The following TBCEL variants were observed in gnomAD, a reference collection of about 807,000 sequenced individuals.
The protein encoded by TBCEL is tubulin-specific chaperone cofactor E-like protein.
A neutral mutation model predicts 44.2 loss-of-function variants in TBCEL; 15 were observed. The ratio of observed to expected loss-of-function variants is 0.34; its 90% CI spans 0.23 to 0.52. TBCEL has a LOEUF of 0.52. TBCEL is among the 20% of genes least tolerant of loss of function. The pLI is 0.95. For missense variants in TBCEL, 319 were observed against 506.3 expected (o/e 0.63, Z 3.55); for synonymous variants, 171 against 185.4 (o/e 0.92, Z 0.63).
intron 5 of TBCEL, chr11:121,054,798 GTACT>G (rs1945590853): frequency 9.7e-6 from 3 of 308,306 alleles, no homozygotes; most frequent in South Asian, 1.5e-4. Context: ...GCTTAATTTA[GTACT>G]TAATTATTTA....
At chr11:121,053,293 A>G (rs1299581361) in intron 4 of TBCEL, among the ~76,000 whole-genome samples, 2 of 151,954 alleles carry the variant, frequency 1.3e-5, no homozygotes, top group African/African-American at 4.8e-5. Flanking sequence ...AAGGCGACAT[A>G]GGAAATCTTC....
At chr11:121,066,321 C>T (rs1422646510) in intron 8 of TBCEL, among the ~76,000 whole-genome samples, 1 of 152,150 alleles carries the variant, frequency 6.6e-6, no homozygotes, top group Non-Finnish European at 1.5e-5. Flanking sequence ...GTTAAAATCC[C>T]AGTTATAGTT....
At chr11:121,046,679 A>C (rs1465332587) in intron 3 of TBCEL, among the ~76,000 whole-genome samples, 1 of 152,074 alleles carries the variant, frequency 6.6e-6, no homozygotes, top group Non-Finnish European at 1.5e-5. Flanking sequence ...TCCATTAATA[A>C]AGTACTACCT....
At chr11:121,045,210 ACAGTTATC>A (rs1275030331) in intron 2 of TBCEL, among the ~76,000 whole-genome samples, 6 of 152,276 alleles carry the variant, frequency 3.9e-5, no homozygotes, top group Non-Finnish European at 8.8e-5. Flanking sequence ...ATTCCCAAAT[ACAGTTATC>A]CAGTTATCCA....
chr11:121,055,211 C>T lies in TBCEL; in HGVS notation c.615C>T (p.Leu205=), dbSNP rs1416261113. 6.2e-6 allele frequency: 10 copies of T among 1,612,210 alleles called. No homozygotes were observed. Among genetic ancestry groups the T allele is most frequent in the East Asian group, 2.2e-5 (1 of 44,826 alleles). Residue 205 remains leucine, a synonymous_variant, in exon 6 of 9, where the codon CTC becomes CTT. Transcript: ENST00000683345. ...TTATGTTTCCTTCACTGGATACCCT[C>T]GTCCTGGCCAACAATCATTTGAATG... ...LGVMFPSLDT[L]VLANNHLNAI...
chr11:121,064,968 G>A (rs973506920), intron 8 of TBCEL, among the ~76,000 whole-genome samples: 2 of 152,076 alleles, frequency 1.3e-5, no homozygotes, highest in African/African-American at 4.8e-5. Context: ...TGGGACTACA[G>A]GCGCCCGCCA....
At chr11:121,054,539 C>G (rs1363110891) in intron 5 of TBCEL, among the ~76,000 whole-genome samples, 2 of 151,834 alleles carry the variant, frequency 1.3e-5, no homozygotes, top group African/African-American at 2.4e-5. Flanking sequence ...TTGCATTTAC[C>G]TGCAGAAGTA....
intron 2 of TBCEL, among the ~76,000 whole-genome samples, chr11:121,038,638 A>G (rs1175454955): frequency 6.6e-6 from 1 of 151,894 alleles, no homozygotes; most frequent in Non-Finnish European, 1.5e-5. Context: ...CAGTCCTGAG[A>G]GGTTCTTTGA....
At position 121,047,738 on chromosome 11, in the gene TBCEL, T is replaced by C. The variant is rs894713408; in HGVS notation, c.273+71T>C. The C allele has an allele frequency of 2.6e-6, 4 of 1,549,496 alleles. No individual in the cohort carries two copies. The African/African-American group carries it at 4.1e-5, about 16-fold the overall frequency. ...CATTGTGTCATTGTTTATGTTATTA[T>C]ATGTTCTGCTAAATTCTGTTCTCAC... is the stretch of plus-strand genomic sequence containing the variant. On this transcript the variant is annotated intron_variant, in intron 4 of 8. Transcript: ENST00000683345.
At chr11:121,030,933 A>T (rs1399417534) in intron 1 of TBCEL, among the ~76,000 whole-genome samples, 1 of 151,898 alleles carries the variant, frequency 6.6e-6, no homozygotes, top group Non-Finnish European at 1.5e-5. Flanking sequence ...TGAACAAATC[A>T]ACACTGTTTT....
At chr11:121,070,998 A>G (rs1945920040) in intron 8 of TBCEL, among the ~76,000 whole-genome samples, 1 of 152,210 alleles carries the variant, frequency 6.6e-6, no homozygotes, top group Non-Finnish European at 1.5e-5. Context: ...CAGAAAACAC[A>G]TCGTGAAGTT....
intron 8 of TBCEL, among the ~76,000 whole-genome samples, chr11:121,086,344 GT>G (rs1296743694): frequency 6.6e-6 from 1 of 152,162 alleles, no homozygotes; most frequent in Non-Finnish European, 1.5e-5. Context: ...TTGTTTATAA[GT>G]TATGGCTTCT....
intron 5 of TBCEL, chr11:121,054,705 A>G (rs1457022163): frequency 1.8e-5 from 3 of 165,596 alleles, no homozygotes; most frequent in African/African-American, 4.8e-5. Context: ...CCCTCCTTCA[A>G]GGCCATGTAT....
chr11:121,045,954 G>T (rs1387864351), intron 3 of TBCEL, 131 bp downstream of exon 3: 6 of 1,094,488 alleles, frequency 5.5e-6, no homozygotes, highest in African/African-American at 1.6e-5. Flanking sequence ...CCCTTGTTAT[G>T]ATTTCAGTTT....
At chr11:121,060,838 G>A (rs1248854778) in intron 8 of TBCEL, among the ~76,000 whole-genome samples, 1 of 151,916 alleles carries the variant, frequency 6.6e-6, no homozygotes, top group African/African-American at 2.4e-5. Flanking sequence ...TTTGACTGGA[G>A]GAGTTTTAGA....
chr11:121,067,296 C>T (rs1476955288), intron 8 of TBCEL, among the ~76,000 whole-genome samples: 1 of 152,126 alleles, frequency 6.6e-6, no homozygotes, highest in South Asian at 2.1e-4. Context: ...TTTCCTATCC[C>T]AGGATGAAAT....
rs1214531095 is a variant in TBCEL at position 121,088,998 on chromosome 11, T to A, written c.*1902T>A. 6.6e-6 allele frequency: 1 copy of A among 152,156 alleles called. No individual in the cohort carries two copies. The highest frequency in any genetic ancestry group is 2.4e-5 in the African/African-American group (1 of 41,426). The allele number at this position is 152,156 out of a possible 1,614,324, so 9.4% of individuals were successfully genotyped here. On this transcript the variant is annotated 3_prime_UTR_variant, in exon 9 of 9. Coordinates refer to ENST00000683345, the MANE Select transcript of TBCEL (RefSeq NM_001363644.2). Reference sequence around the variant, plus strand: ...TTGCAAACACATTTTCCTGACAGATTTTTGGAAGTAGGAAAAAAGTATGGC... The same window carrying A: ...TTGCAAACACATTTTCCTGACAGATATTTGGAAGTAGGAAAAAAGTATGGC...
At chr11:121,074,820 A>G (rs976845380) in intron 8 of TBCEL, among the ~76,000 whole-genome samples, 6 of 151,982 alleles carry the variant, frequency 3.9e-5, no homozygotes, top group Non-Finnish European at 8.8e-5. Context: ...AAATGGAATC[A>G]TGTATGTAGT....
intron 1 of TBCEL, among the ~76,000 whole-genome samples, chr11:121,026,243 C>T (rs1309126668): frequency 6.6e-6 from 1 of 152,170 alleles, no homozygotes; most frequent in Non-Finnish European, 1.5e-5. Context: ...AATCAGTTAA[C>T]ATCTTAATTC....
Sources: gnomAD v4.1 joint callset for allele counts (sites outside exome capture counted in the v4.1 genomes callset) on GRCh38, gnomAD v4.1.1 for gene constraint, MANE v1.5 for transcripts, NCBI Gene and HGNC (gene_info 2026-07-23, HGNC 2026-07-21) for gene names.